The following LDLRAD4 variants were observed in gnomAD, a reference collection of about 807,000 sequenced individuals.
LDLRAD4 encodes the protein low-density lipoprotein receptor class A domain-containing protein 4.
Under a neutral mutation model 17.0 loss-of-function variants are expected in LDLRAD4, and 5 were observed. That is an observed-to-expected ratio of 0.29 (90% CI 0.15 to 0.62). The LOEUF (loss-of-function observed/expected upper bound fraction) is 0.62, where lower values mean the gene tolerates loss of function less well. Ranked by LOEUF, LDLRAD4 falls within the 20% of genes least tolerant of loss-of-function variation. The pLI, the probability that LDLRAD4 is intolerant of heterozygous loss-of-function variation, is 0.84. For synonymous variants in LDLRAD4, 168 were observed against 171.8 expected (o/e 0.98, Z 0.17); for missense variants, 340 against 424.7 (o/e 0.80, Z 1.75).
At position 13,547,617 on chromosome 18, in the gene LDLRAD4, A is replaced by G. The variant is rs531309119; in HGVS notation, c.182-73500A>G. ...TGAGCGTGGAGTGTGGCCACTGTAC[A>G]TGGCCAGGCATGCTGTCTGCAATGG... On this transcript the variant is annotated intron_variant, in intron 3 of 5. Transcript: ENST00000359446. 6.6e-5 allele frequency among the ~76,000 whole-genome samples: 10 copies of G among 152,330 alleles called. No homozygotes were observed. In the East Asian group the frequency reaches 1.2e-3, roughly 18 times the overall value.
intron 3 of LDLRAD4, among the ~76,000 whole-genome samples, chr18:13,454,355 A>C (rs529962782): frequency 6.6e-6 from 1 of 152,326 alleles, no homozygotes; most frequent in South Asian, 2.1e-4. Context: ...ACCACATTTA[A>C]AGGGATGATT....
chr18:13,444,543 A>G (rs2091255887), intron 3 of LDLRAD4, among the ~76,000 whole-genome samples: 1 of 152,174 alleles, frequency 6.6e-6, no homozygotes, highest in South Asian at 2.1e-4. Context: ...GTTATACACA[A>G]ATTTTCCACC....
chr18:13,576,205 C>A (rs574804095), intron 3 of LDLRAD4, among the ~76,000 whole-genome samples: 1 of 152,202 alleles, frequency 6.6e-6, no homozygotes, highest in Admixed American at 6.5e-5. Flanking sequence ...GGGTGGATCA[C>A]GAGGTCAGGA....
intron 1 of LDLRAD4, among the ~76,000 whole-genome samples, chr18:13,326,957 C>CT (rs951089971): frequency 2.6e-5 from 4 of 152,138 alleles, no homozygotes; most frequent in Non-Finnish European, 5.9e-5. Flanking sequence ...ATAGCAGGTG[C>CT]TGACAGGAAA....
At chr18:13,538,907 A>T (rs2094237348) in intron 3 of LDLRAD4, among the ~76,000 whole-genome samples, 1 of 152,148 alleles carries the variant, frequency 6.6e-6, no homozygotes, top group Admixed American at 6.5e-5. Context: ...TTATCTGCTT[A>T]ATGATGTCTT....
At chr18:13,343,054 A>G (rs1023904581) in intron 1 of LDLRAD4, among the ~76,000 whole-genome samples, 1 of 151,962 alleles carries the variant, frequency 6.6e-6, no homozygotes, top group African/African-American at 2.4e-5. Context: ...CATTACACAT[A>G]ATTTCCTAAA....
At chr18:13,388,013 A>G (rs781374552) in intron 2 of LDLRAD4, among the ~76,000 whole-genome samples, 9 of 152,206 alleles carry the variant, frequency 5.9e-5, no homozygotes, top group Non-Finnish European at 1.0e-4. Context: ...GATACACACA[A>G]TATCCTGCAG....
rs370560359 is a variant in LDLRAD4 at position 13,545,408 on chromosome 18, A to G, written c.182-75709A>G. 2.6e-5 allele frequency among the ~76,000 whole-genome samples: 4 copies of G among 152,302 alleles called. No homozygotes were observed. In the East Asian group the frequency reaches 7.7e-4, roughly 29 times the overall value. ...ACACCAAAATGTATGGTGAGCCCTT[A>G]GTTAAAGTGTGGGAAAACATGAAAA... On this transcript the variant is annotated intron_variant, in intron 3 of 5. Transcript: ENST00000359446.
chr18:13,424,234 T>C (rs1475358846), intron 2 of LDLRAD4, among the ~76,000 whole-genome samples: 1 of 152,196 alleles, frequency 6.6e-6, no homozygotes, highest in Non-Finnish European at 1.5e-5. Context: ...TTTGTGTGAT[T>C]TATACAGCTG....
At chr18:13,443,289 C>T (rs750179188) in intron 3 of LDLRAD4, among the ~76,000 whole-genome samples, 1 of 152,182 alleles carries the variant, frequency 6.6e-6, no homozygotes, top group Non-Finnish European at 1.5e-5. Context: ...CACCTGTAGG[C>T]ACCAAGCTAT....
At chr18:13,263,194 G>A (rs1357934428) in intron 1 of LDLRAD4, among the ~76,000 whole-genome samples, 5 of 149,746 alleles carry the variant, frequency 3.3e-5, no homozygotes, top group Non-Finnish European at 5.9e-5. Flanking sequence ...GGCTCCGTGC[G>A]TGGAAACTGA....
intron 3 of LDLRAD4, among the ~76,000 whole-genome samples, chr18:13,558,033 T>C (rs963177421): frequency 6.6e-6 from 1 of 152,252 alleles, no homozygotes; most frequent in Non-Finnish European, 1.5e-5. Flanking sequence ...ATTGGCACTT[T>C]AAAAGGTGTT....
intron 3 of LDLRAD4, among the ~76,000 whole-genome samples, chr18:13,495,482 C>T (rs1029134227): frequency 2.6e-5 from 4 of 152,190 alleles, no homozygotes; most frequent in South Asian, 4.1e-4. Context: ...CTGTCCCTTG[C>T]GGGATCCCAC....
At chr18:13,597,965 C>A (rs1306481771) in intron 3 of LDLRAD4, among the ~76,000 whole-genome samples, 1 of 152,136 alleles carries the variant, frequency 6.6e-6, no homozygotes, top group African/African-American at 2.4e-5. Context: ...TCCTTGATTT[C>A]TTTGAACATA....
rs578230158 is a variant in LDLRAD4, at chr18:13,256,334, C to G, written c.-466-21771C>G. On this transcript the variant is annotated intron_variant, in intron 1 of 5. Coordinates refer to the LDLRAD4 transcript ENST00000399848. ...ATGGCTCTTCTTTTAAAATAGGGTC[C>G]CTTTCTTGGCTCTGTCTCTGAGTCA... Among the ~76,000 whole-genome samples the G allele has an allele frequency of 8.5e-5, 13 of 152,206 alleles. No individual in the cohort carries two copies. In the East Asian group the frequency reaches 2.3e-3, roughly 27 times the overall value.
intron 4 of LDLRAD4, among the ~76,000 whole-genome samples, chr18:13,637,095 G>T (rs2042149924): frequency 6.6e-6 from 1 of 152,140 alleles, no homozygotes; most frequent in African/African-American, 2.4e-5. Flanking sequence ...ACCGTGCCTG[G>T]CCTAAAGTTT....
rs1041675812 is a variant in LDLRAD4, at chr18:13,435,373, G to A, written c.41-2871G>A. On this transcript the variant is annotated intron_variant, in intron 2 of 5. Transcript: ENST00000359446. Reference sequence around the variant, plus strand: ...GTCATTCTGATTCCAGTGGCCATGTGATGGAAAGACCTTACTCTGATATTG... The same window carrying A: ...GTCATTCTGATTCCAGTGGCCATGTAATGGAAAGACCTTACTCTGATATTG... Among the ~76,000 whole-genome samples, 3 of 152,220 alleles carry A rather than the reference G, an allele frequency of 2.0e-5. No individual in the cohort carries two copies. In the East Asian group the frequency reaches 5.8e-4, roughly 29 times the overall value.
chr18:13,379,629 T>C (rs2085190131), intron 1 of LDLRAD4, among the ~76,000 whole-genome samples: 1 of 152,160 alleles, frequency 6.6e-6, no homozygotes, highest in Admixed American at 6.5e-5. Context: ...GTTGAAATAC[T>C]GAATGAAGAG....
intron 1 of LDLRAD4, among the ~76,000 whole-genome samples, chr18:13,308,183 C>T (rs901085604): frequency 4.6e-5 from 7 of 152,162 alleles, no homozygotes; most frequent in Non-Finnish European, 5.9e-5. Flanking sequence ...CTTCCACGTC[C>T]GCACACAGAA....
Sources: gnomAD v4.1 joint callset for allele counts (sites outside exome capture counted in the v4.1 genomes callset) on GRCh38, gnomAD v4.1.1 for gene constraint, MANE v1.5 for transcripts, NCBI Gene and HGNC (gene_info 2026-07-23, HGNC 2026-07-21) for gene names.